Variants in CFAP299 observed in about 807,000 individuals in gnomAD.
CFAP299 encodes cilia and flagella associated protein 299.
Under a neutral mutation model 27.0 loss-of-function variants are expected in CFAP299, and 21 were observed. That is an observed-to-expected ratio of 0.78 (90% CI 0.55 to 1.12). CFAP299 has a LOEUF of 1.12. Among genes scored for constraint, CFAP299 ranks in the 50% most tolerant of loss-of-function variants. The pLI, the probability that CFAP299 is intolerant of heterozygous loss-of-function variation, is 0.00. For synonymous variants in CFAP299, 104 were observed against 98.1 expected, an observed-to-expected ratio of 1.06 and a Z score of -0.36; for missense variants, 310 against 276.6, an observed-to-expected ratio of 1.12 and a Z score of -0.86.
At chr4:80,512,330 C>G (rs1732350170) in intron 2 of CFAP299, among the ~76,000 whole-genome samples, 1 of 151,888 alleles carries the variant, frequency 6.6e-6, no homozygotes, top group Admixed American at 6.6e-5. Flanking sequence ...TAAGCTGAAG[C>G]AAGTGGGAGA....
intron 4 of CFAP299, among the ~76,000 whole-genome samples, chr4:80,923,104 T>G (rs1736127529): frequency 6.6e-6 from 1 of 151,978 alleles, no homozygotes. Context: ...GGGGGAACAT[T>G]TGCTAGCTCA....
chr4:80,449,073 T>C (rs749937523), intron 2 of CFAP299, among the ~76,000 whole-genome samples: 2 of 152,168 alleles, frequency 1.3e-5, no homozygotes, highest in Non-Finnish European at 2.9e-5. Context: ...TTATACCAAA[T>C]ACTTTTGCGG....
At chr4:80,458,703 A>G (rs1729291425) in intron 2 of CFAP299, among the ~76,000 whole-genome samples, 1 of 152,198 alleles carries the variant, frequency 6.6e-6, no homozygotes, top group Non-Finnish European at 1.5e-5. Flanking sequence ...CATTTTAAAA[A>G]TGGGCACAGA....
chr4:80,366,926 T>C (rs954818980), intron 2 of CFAP299, among the ~76,000 whole-genome samples: 1 of 152,094 alleles, frequency 6.6e-6, no homozygotes, highest in African/African-American at 2.4e-5. Flanking sequence ...CCTTAACACA[T>C]TAGGGTAAGC....
intron 3 of CFAP299, among the ~76,000 whole-genome samples, chr4:80,860,458 C>A (rs931907302): frequency 6.6e-6 from 1 of 152,180 alleles, no homozygotes; most frequent in East Asian, 1.9e-4. Context: ...TGAGGAACTG[C>A]GATCCTTTGG....
chr4:80,617,567 T>C (rs896833612), intron 3 of CFAP299, among the ~76,000 whole-genome samples: 3 of 152,106 alleles, frequency 2.0e-5, no homozygotes, highest in Admixed American at 1.3e-4. Context: ...GGAATGTTCT[T>C]CTCAAATCCT....
At chr4:80,765,838 C>T (rs932503178) in intron 3 of CFAP299, among the ~76,000 whole-genome samples, 1 of 151,880 alleles carries the variant, frequency 6.6e-6, no homozygotes. Flanking sequence ...AGATAAATTA[C>T]GAATTGAGAC....
intron 3 of CFAP299, among the ~76,000 whole-genome samples, chr4:80,775,064 A>G (rs1174496793): frequency 6.8e-6 from 1 of 146,420 alleles, no homozygotes; most frequent in Admixed American, 6.7e-5. Flanking sequence ...ATAATAAAAT[A>G]AAAAAATAAA....
chr4:80,474,927 C>T (rs778616477), intron 2 of CFAP299, among the ~76,000 whole-genome samples: 20 of 151,830 alleles, frequency 1.3e-4, no homozygotes, highest in Non-Finnish European at 2.4e-4. Context: ...AAAATAATGC[C>T]GAAAAAGGTG....
chr4:80,495,571 G>T (rs1407415873), intron 2 of CFAP299, among the ~76,000 whole-genome samples: 1 of 152,154 alleles, frequency 6.6e-6, no homozygotes, highest in Non-Finnish European at 1.5e-5. Context: ...GGACACTGAG[G>T]CAGGAAAACA....
At chr4:80,962,308 C>T (rs1016027826) in intron 5 of CFAP299, among the ~76,000 whole-genome samples, 17 of 151,750 alleles carry the variant, frequency 1.1e-4, no homozygotes, top group African/African-American at 3.9e-4. Context: ...AAGGAGAATT[C>T]GAAGAGCAGA....
chr4:80,438,466 C>T (rs1728199096), intron 2 of CFAP299, among the ~76,000 whole-genome samples: 1 of 152,178 alleles, frequency 6.6e-6, no homozygotes, highest in South Asian at 2.1e-4. Flanking sequence ...TATGTGCTTA[C>T]ATATTTCATC....
intron 3 of CFAP299, among the ~76,000 whole-genome samples, chr4:80,627,571 G>A (rs1052454141): frequency 1.7e-4 from 26 of 151,926 alleles, no homozygotes; most frequent in Non-Finnish European, 3.7e-4. Flanking sequence ...CAGAAGGCAT[G>A]ACCCTATATA....
chr4:80,337,732 G>T, intron 1 of CFAP299, among the ~76,000 whole-genome samples: 1 of 152,144 alleles, frequency 6.6e-6, no homozygotes, highest in Non-Finnish European at 1.5e-5. Context: ...TTCCAAAATG[G>T]AAGGTGGTAA....
At chr4:80,540,924 G>C (rs1314192586) in intron 2 of CFAP299, among the ~76,000 whole-genome samples, 1 of 152,062 alleles carries the variant, frequency 6.6e-6, no homozygotes, top group Non-Finnish European at 1.5e-5. Flanking sequence ...CTGTTCCTTT[G>C]ATGGGGATTT....
rs35425830 is a variant in CFAP299, at chr4:80,891,830, GAAAA to G, written c.476+21711_476+21714del. On this transcript the variant is annotated intron_variant, in intron 4 of 5. Coordinates refer to ENST00000358105, the MANE Select transcript of CFAP299 (RefSeq NM_152770.3). ...AGCTTTGAGAAGCCCTAGATTAAAG[GAAAA>G]AAAAAAAAAAAAAAAGAAATTGCAG... Among the ~76,000 whole-genome samples the G allele has an allele frequency of 3.8e-3, 205 of 54,008 alleles. 1 individual carries two copies. The highest frequency in any genetic ancestry group is 0.013 in the African/African-American group (197 of 15,448). 35.4% of individuals were successfully genotyped at this position (54,008 alleles called of 152,430 possible).
chr4:80,519,082 G>C (rs1222147751), intron 2 of CFAP299, among the ~76,000 whole-genome samples: 1 of 152,076 alleles, frequency 6.6e-6, no homozygotes, highest in Non-Finnish European at 1.5e-5. Flanking sequence ...AATTTTTTCT[G>C]CTTCATCTTT....
At chr4:80,599,700 T>C (rs564168625) in intron 3 of CFAP299, among the ~76,000 whole-genome samples, 1 of 152,082 alleles carries the variant, frequency 6.6e-6, no homozygotes, top group Non-Finnish European at 1.5e-5. Flanking sequence ...AAATTTCACA[T>C]AAAATGAGGG....
chr4:80,787,593 T>C (rs73829128), intron 3 of CFAP299, among the ~76,000 whole-genome samples: 2,017 of 152,056 alleles, frequency 0.013, 42 homozygotes, highest in African/African-American at 0.046. Context: ...TTAGTAACAG[T>C]TATGTGACCA....
Sources: allele counts gnomAD v4.1 joint callset (sites outside exome capture counted in the v4.1 genomes callset), GRCh38; gene constraint gnomAD v4.1.1; transcripts MANE v1.5; gene names NCBI Gene and HGNC (gene_info 2026-07-23, HGNC 2026-07-21).